Variants in DZIP3 observed in about 807,000 individuals in gnomAD.
The protein encoded by DZIP3 is DAZ interacting zinc finger protein 3, also known as E3 ubiquitin-protein ligase DZIP3.
In DZIP3, 118 loss-of-function variants were observed where a neutral mutation model predicts 162.0. That is an observed-to-expected ratio of 0.73 (90% CI 0.63 to 0.85). The LOEUF (loss-of-function observed/expected upper bound fraction) is 0.85, where lower values mean the gene tolerates loss of function less well. Ranked by LOEUF, DZIP3 falls within the 40% of genes least tolerant of loss-of-function variation. The pLI is 0.00. For missense variants in DZIP3, 1,331 were observed against 1,407.0 expected (o/e 0.95, Z 0.86); for synonymous variants, 438 against 458.6 (o/e 0.96, Z 0.57).
chr3:108,656,923 G>A (rs1329197403), intron 19 of DZIP3, among the ~76,000 whole-genome samples: 2 of 152,148 alleles, frequency 1.3e-5, no homozygotes, highest in African/African-American at 4.8e-5. Flanking sequence ...AATGAAGTGA[G>A]AAGTTTAGAG....
chr3:108,591,060 A>T (rs1939381473), intron 1 of DZIP3, among the ~76,000 whole-genome samples: 1 of 152,216 alleles, frequency 6.6e-6, no homozygotes, highest in South Asian at 2.1e-4. Flanking sequence ...TGATAAGGGA[A>T]ATGGGAAGGT....
intron 7 of DZIP3, 84 bp downstream of exon 7, chr3:108,626,053 C>T: frequency 1.4e-6 from 2 of 1,415,276 alleles, no homozygotes; most frequent in South Asian, 1.5e-5. Context: ...GTATATCAGG[C>T]ATTGTGACAT....
intron 8 of DZIP3, among the ~76,000 whole-genome samples, chr3:108,631,622 G>A (rs1263543768): frequency 2.6e-5 from 3 of 113,810 alleles, no homozygotes; most frequent in Non-Finnish European, 5.1e-5. Flanking sequence ...GACAGTCTCA[G>A]TATGTTGCCC....
chr3:108,691,860 G>A (rs1488978436), intron 32 of DZIP3, among the ~76,000 whole-genome samples: 1 of 152,028 alleles, frequency 6.6e-6, no homozygotes, highest in Non-Finnish European at 1.5e-5. Context: ...TTGTTCTCCT[G>A]AAAACCCATT....
At chr3:108,612,261 G>A (rs945339534) in intron 4 of DZIP3, among the ~76,000 whole-genome samples, 1 of 152,158 alleles carries the variant, frequency 6.6e-6, no homozygotes, top group South Asian at 2.1e-4. Context: ...TTCTATGAAA[G>A]AATATATGGT....
chr3:108,657,299 A>G (rs570248737), intron 19 of DZIP3, among the ~76,000 whole-genome samples: 11 of 152,156 alleles, frequency 7.2e-5, no homozygotes, highest in African/African-American at 2.2e-4. Flanking sequence ...CTTGGCAGAA[A>G]CTCTACAAGC....
intron 23 of DZIP3, 38 bp from the exon 24 acceptor site, chr3:108,674,040 A>T: frequency 6.9e-7 from 1 of 1,452,642 alleles, no homozygotes; most frequent in Non-Finnish European, 9.6e-7. Flanking sequence ...TTACAAGCAC[A>T]CCTTCAACTT....
rs755713056 is a variant in DZIP3 at position 108,648,098 on chromosome 3, A to T, written c.1948A>T (p.Lys650Ter). The change falls in exon 16 of 33, where the codon AAA becomes TAA. Residue 650 changes from lysine to a stop codon, truncating the protein, a stop_gained. Transcript: ENST00000361582. LOFTEE classifies it high-confidence loss of function. Reference protein sequence around the residue: ...IPSESSTESLKDLQEVKSKQR... With the variant: ...IPSESSTESL ...CAGTGAATCTTCAACAGAATCTCTT[A>T]AAGATCTCCAGGAAGTATAAGCTCT... The T allele has an allele frequency of 6.3e-7, 1 of 1,599,500 alleles. No individual in the cohort carries two copies. The highest frequency in any genetic ancestry group is 2.2e-5 in the East Asian group (1 of 44,636).
chr3:108,622,855 T>TCC (rs1342854980), intron 5 of DZIP3, among the ~76,000 whole-genome samples: 2 of 105,334 alleles, frequency 1.9e-5, no homozygotes, highest in African/African-American at 7.7e-5. Flanking sequence ...TCTCTCTCTC[T>TCC]CTCTCTCTCT....
At chr3:108,653,965 C>T (rs1301140289) in intron 18 of DZIP3, among the ~76,000 whole-genome samples, 180 bp from the exon 19 acceptor site, 1 of 152,036 alleles carries the variant, frequency 6.6e-6, no homozygotes, top group African/African-American at 2.4e-5. Flanking sequence ...TGCTAATATT[C>T]ATTATGAATC....
At chr3:108,659,962 C>T (rs1943342304) in intron 19 of DZIP3, among the ~76,000 whole-genome samples, 1 of 152,054 alleles carries the variant, frequency 6.6e-6, no homozygotes, top group South Asian at 2.1e-4. Context: ...AGGAGAACTA[C>T]AAACCACTGC....
At chr3:108,621,349 G>C (rs1941328982) in intron 5 of DZIP3, among the ~76,000 whole-genome samples, 1 of 152,088 alleles carries the variant, frequency 6.6e-6, no homozygotes, top group Non-Finnish European at 1.5e-5. Context: ...GGGTATGTGA[G>C]ATACTTTGAT....
intron 6 of DZIP3, 55 bp downstream of exon 6, chr3:108,624,579 G>C: frequency 1.0e-6 from 1 of 953,710 alleles, no homozygotes; most frequent in Non-Finnish European, 1.6e-6. Context: ...GGAATAATCA[G>C]GCCAAAGATT....
At chr3:108,635,076 T>G (rs1942076685) in intron 10 of DZIP3, 104 bp downstream of exon 10, 11 of 628,200 alleles carry the variant, frequency 1.8e-5, no homozygotes, top group Non-Finnish European at 3.0e-5. Flanking sequence ...TCCCTCCTGC[T>G]TTTTACTTCC....
chr3:108,635,392 G>T (rs1461410917), intron 10 of DZIP3: 1 of 309,732 alleles, frequency 3.2e-6, no homozygotes, highest in Middle Eastern at 4.1e-4. Context: ...TAGAGGTGAA[G>T]AACAAGGACA....
intron 7 of DZIP3, 50 bp downstream of exon 7, chr3:108,626,019 G>A (rs375678004): frequency 9.4e-6 from 15 of 1,589,308 alleles, no homozygotes; most frequent in Non-Finnish European, 1.3e-5. Flanking sequence ...TCTCAGCATT[G>A]TGAAATGGAA....
Position 108,661,903 on chromosome 3 carries a change from CTA to C in DZIP3, c.2228_2229del (p.Tyr743TrpfsTer4). On this transcript the variant is annotated frameshift_variant, in exon 20 of 33. Coordinates refer to ENST00000361582, the MANE Select transcript of DZIP3 (RefSeq NM_014648.4). LOFTEE classifies it high-confidence loss of function. ...QGSAGKVTTD[Y>X]GETEKERLAR... ...GCTCAGCTGGCAAAGTAACTACAGA[CTA>C]TGGAGAAACTGAAAAGGAAAGGCTT... The C allele has an allele frequency of 6.2e-7, 1 of 1,613,836 alleles. No individual in the cohort carries two copies. The highest frequency in any genetic ancestry group is 8.5e-7 in the Non-Finnish European group (1 of 1,179,882).
intron 7 of DZIP3, among the ~76,000 whole-genome samples, chr3:108,627,802 G>T (rs531558547): frequency 6.6e-6 from 1 of 151,692 alleles, no homozygotes; most frequent in African/African-American, 2.4e-5. Context: ...AAGCTTTTTC[G>T]TCCTGGGCAA....
intron 25 of DZIP3, among the ~76,000 whole-genome samples, chr3:108,676,177 T>C (rs114179494): frequency 0.014 from 2,115 of 152,172 alleles, 52 homozygotes; most frequent in African/African-American, 0.049. Flanking sequence ...TGGCCAGGCA[T>C]AGTGGCTCAT....
Sources: allele counts gnomAD v4.1 joint callset (sites outside exome capture counted in the v4.1 genomes callset), GRCh38; gene constraint gnomAD v4.1.1; transcripts MANE v1.5; gene names NCBI Gene and HGNC (gene_info 2026-07-23, HGNC 2026-07-21).